TINAG: variants seen among roughly 807,000 people sequenced by gnomAD.
The protein encoded by TINAG is tubulointerstitial nephritis antigen.
TINAG carries 83 observed loss-of-function variants against 72.7 expected under a neutral mutation model. The ratio of observed to expected loss-of-function variants is 1.14; its 90% CI spans 0.96 to 1.37. The LOEUF is 1.37. Among genes scored for constraint, TINAG ranks in the 40% most tolerant of loss-of-function variants. The probability of loss-of-function intolerance (pLI) is 0.00; values close to 1 mark genes in which losing one functional copy is unlikely to be tolerated. For synonymous variants in TINAG, 234 were observed against 189.9 expected (o/e 1.23, Z -1.91); for missense variants, 685 against 576.6 (o/e 1.19, Z -1.93).
At chr6:54,364,168 C>A (rs1417304380) in intron 9 of TINAG, among the ~76,000 whole-genome samples, 1 of 151,312 alleles carries the variant, frequency 6.6e-6, no homozygotes, top group East Asian at 1.9e-4. Context: ...ACCAGGGGAA[C>A]CCAAAGGGAT....
chr6:54,354,306 C>A (rs1200704435), intron 8 of TINAG, among the ~76,000 whole-genome samples: 1 of 151,766 alleles, frequency 6.6e-6, no homozygotes, highest in Non-Finnish European at 1.5e-5. Context: ...ACTTAATATT[C>A]TAAATAGCTA....
intron 9 of TINAG, among the ~76,000 whole-genome samples, chr6:54,356,219 A>T (rs1330323581): frequency 6.6e-6 from 1 of 151,828 alleles, no homozygotes; most frequent in Admixed American, 6.6e-5. Flanking sequence ...AAAATTAACA[A>T]CTTAAAAAGA....
upstream of TINAG, chr6:54,308,063 C>A: frequency 1.3e-6 from 2 of 1,549,932 alleles, no homozygotes; most frequent in South Asian, 1.2e-5. Flanking sequence ...AGCAGGCAAC[C>A]TCATGAGAGC....
At chr6:54,322,368 G>A (rs970945873) in intron 3 of TINAG, among the ~76,000 whole-genome samples, 4 of 151,362 alleles carry the variant, frequency 2.6e-5, no homozygotes, top group Non-Finnish European at 5.9e-5. Flanking sequence ...AGATACAGGC[G>A]CCAACACTGG....
Position 54,315,750 on chromosome 6 carries a change from G to A in TINAG, c.356-4829G>A, listed in dbSNP as rs142320449. Among the ~76,000 whole-genome samples the A allele has an allele frequency of 7.1e-3, 1,087 of 152,076 alleles. 5 individuals are homozygous for A. The highest frequency in any genetic ancestry group is 9.8e-3 in the Non-Finnish European group (669 of 67,978). On this transcript the variant is annotated intron_variant, in intron 1 of 10. Coordinates refer to ENST00000259782, the MANE Select transcript of TINAG (RefSeq NM_014464.4). The stretch of plus-strand genomic sequence containing the variant: ...AGTGACAGAGTTGAAAACAGAGCTC[G>A]AGTGGATTTTCTAGACATAACCTTT...
chr6:54,327,779 C>T (rs1398028668), intron 4 of TINAG, among the ~76,000 whole-genome samples: 3 of 152,052 alleles, frequency 2.0e-5, no homozygotes, highest in Non-Finnish European at 2.9e-5. Context: ...GGAGGGGCGT[C>T]GGCCATTACT....
chr6:54,355,879 A>C (rs1763022498), intron 9 of TINAG, among the ~76,000 whole-genome samples: 1 of 151,830 alleles, frequency 6.6e-6, no homozygotes, highest in African/African-American at 2.4e-5. Context: ...GAAGGAAAGA[A>C]GGAAAGAAGG....
intron 1 of TINAG, among the ~76,000 whole-genome samples, chr6:54,313,359 G>A (rs1784301725): frequency 6.6e-6 from 1 of 152,054 alleles, no homozygotes; most frequent in Admixed American, 6.6e-5. Flanking sequence ...GCAGACAAGG[G>A]AAATTCACCC....
At chr6:54,313,386 A>G (rs1164022514) in intron 1 of TINAG, among the ~76,000 whole-genome samples, 4 of 152,136 alleles carry the variant, frequency 2.6e-5, no homozygotes, top group African/African-American at 9.7e-5. Context: ...GAACCTGCAC[A>G]TAGTACATAT....
intron 1 of TINAG, among the ~76,000 whole-genome samples, chr6:54,315,382 T>C (rs1479900723): frequency 2.0e-5 from 3 of 152,046 alleles, no homozygotes; most frequent in African/African-American, 7.2e-5. Flanking sequence ...GGATTTCAAA[T>C]GTCAGGCTGG....
chr6:54,309,015 A>G, intron 1 of TINAG, 110 bp downstream of exon 1: 1 of 1,009,890 alleles, frequency 9.9e-7, no homozygotes, highest in East Asian at 2.5e-5. Flanking sequence ...TGAAATGAAA[A>G]TGATTATTGT....
chr6:54,308,128 T>C (rs1274236944), upstream of TINAG: 20 of 1,548,954 alleles, frequency 1.3e-5, no homozygotes, highest in Non-Finnish European at 1.7e-5. Flanking sequence ...TTTTTGACTT[T>C]TGAATTTCCT....
At chr6:54,312,723 G>T (rs183419587) in intron 1 of TINAG, among the ~76,000 whole-genome samples, 1 of 152,132 alleles carries the variant, frequency 6.6e-6, no homozygotes, top group African/African-American at 2.4e-5. Context: ...TAAAAACCAG[G>T]ATTTTTTATT....
Position 54,346,410 on chromosome 6 carries a change from TTG to T in TINAG, c.749-943_749-942del, listed in dbSNP as rs201126141. Among the ~76,000 whole-genome samples the T allele has an allele frequency of 3.7e-3, 564 of 151,004 alleles. 6 individuals carry two copies. Among genetic ancestry groups the T allele is most frequent in the African/African-American group, 0.012 (514 of 41,296 alleles). On this transcript the variant is annotated intron_variant, in intron 5 of 10. Coordinates refer to ENST00000259782, the MANE Select transcript of TINAG (RefSeq NM_014464.4). ...AATAGAAGTTTTAATAATAAAAAGT[TTG>T]TGTGTGTGTGTGTATACATATATAA...
At chr6:54,321,809 G>A (rs2150936490) in intron 3 of TINAG, among the ~76,000 whole-genome samples, 1 of 152,222 alleles carries the variant, frequency 6.6e-6, no homozygotes, top group Admixed American at 6.5e-5. Context: ...CAAATAACAA[G>A]CCAATCTAAA....
chr6:54,314,356 C>T (rs1042787921), intron 1 of TINAG, among the ~76,000 whole-genome samples: 1 of 151,978 alleles, frequency 6.6e-6, no homozygotes, highest in Non-Finnish European at 1.5e-5. Context: ...TATTTGAGTC[C>T]CATTTAAAAT....
At chr6:54,355,570 A>C (rs1476254948) in intron 9 of TINAG, among the ~76,000 whole-genome samples, 3 of 151,944 alleles carry the variant, frequency 2.0e-5, no homozygotes, top group Non-Finnish European at 4.4e-5. Flanking sequence ...TTACAAAATT[A>C]TCACATTTCT....
chr6:54,374,124 T>C (rs567013542), intron 9 of TINAG, among the ~76,000 whole-genome samples: 4 of 152,250 alleles, frequency 2.6e-5, no homozygotes, highest in African/African-American at 7.2e-5. Flanking sequence ...TCAAATTACA[T>C]GTGATACTAC....
At chr6:54,370,125 G>T (rs533179779) in intron 9 of TINAG, among the ~76,000 whole-genome samples, 1 of 152,116 alleles carries the variant, frequency 6.6e-6, no homozygotes, top group South Asian at 2.1e-4. Flanking sequence ...GAAGTCTGAA[G>T]AAAAAGAAAT....
Sources: allele counts gnomAD v4.1 joint callset (sites outside exome capture counted in the v4.1 genomes callset), GRCh38; gene constraint gnomAD v4.1.1; transcripts MANE v1.5; gene names NCBI Gene and HGNC (gene_info 2026-07-23, HGNC 2026-07-21).